Variants in DIS3L2 observed in about 807,000 individuals in gnomAD.
DIS3L2 encodes the protein DIS3-like exonuclease 2.
DIS3L2 carries 34 observed loss-of-function variants against 97.5 expected under a neutral mutation model. The ratio of observed to expected loss-of-function variants is 0.35; its 90% CI spans 0.27 to 0.46. DIS3L2 has a LOEUF of 0.46. DIS3L2 is among the 20% of genes least tolerant of loss of function. DIS3L2 has a pLI of 1.00. For synonymous variants in DIS3L2, 435 were observed against 445.2 expected (o/e 0.98, Z 0.29); for missense variants, 1,038 against 1,146.0 (o/e 0.91, Z 1.36).
At chr2:232,073,682 T>C (rs1696101651) in intron 5 of DIS3L2, among the ~76,000 whole-genome samples, 1 of 152,240 alleles carries the variant, frequency 6.6e-6, no homozygotes, top group African/African-American at 2.4e-5. Flanking sequence ...ATGGAAAGGT[T>C]ACCTGGCACT....
chr2:232,310,372 G>A (rs868419577), intron 14 of DIS3L2, among the ~76,000 whole-genome samples: 1 of 152,330 alleles, frequency 6.6e-6, no homozygotes, highest in African/African-American at 2.4e-5. Flanking sequence ...TGAGCTCACT[G>A]TTCCACCACA....
At chr2:232,104,305 CTT>C (rs1397202080) in intron 6 of DIS3L2, among the ~76,000 whole-genome samples, 1 of 152,154 alleles carries the variant, frequency 6.6e-6, no homozygotes, top group East Asian at 1.9e-4. Context: ...TACCTGTTCT[CTT>C]TTCCTGCCAC....
At chr2:232,238,735 T>G (rs963577347) in intron 11 of DIS3L2, 90 bp downstream of exon 11, 1 of 1,211,852 alleles carries the variant, frequency 8.3e-7, no homozygotes, top group South Asian at 1.5e-5. Flanking sequence ...TTACATGTTC[T>G]CCGGAAAGAG....
intron 4 of DIS3L2, among the ~76,000 whole-genome samples, chr2:232,025,452 T>C (rs1574820716): frequency 6.6e-6 from 1 of 152,168 alleles, no homozygotes; most frequent in East Asian, 1.9e-4. Flanking sequence ...CCTTCTGAAA[T>C]CCAGGGACTC....
chr2:232,196,202 A>C (rs1453245928), intron 9 of DIS3L2, among the ~76,000 whole-genome samples: 2 of 152,184 alleles, frequency 1.3e-5, no homozygotes, highest in African/African-American at 4.8e-5. Context: ...TCCTGGGCTC[A>C]AGTGATCCTC....
chr2:232,280,255 C>G (rs913583174), intron 13 of DIS3L2, among the ~76,000 whole-genome samples: 2 of 152,166 alleles, frequency 1.3e-5, no homozygotes, highest in African/African-American at 4.8e-5. Context: ...CTCTGTGAGC[C>G]ATCTGAAAAG....
At chr2:232,245,783 A>C (rs1481021573) in intron 11 of DIS3L2, among the ~76,000 whole-genome samples, 2 of 152,252 alleles carry the variant, frequency 1.3e-5, no homozygotes, top group Non-Finnish European at 2.9e-5. Context: ...CACAGTTTTT[A>C]TAGCCTGCAC....
chr2:232,218,865 G>A (rs1692420515), intron 10 of DIS3L2, among the ~76,000 whole-genome samples: 1 of 152,174 alleles, frequency 6.6e-6, no homozygotes, highest in Non-Finnish European at 1.5e-5. Flanking sequence ...GTACCTATGG[G>A]TTAGGTCTGC....
At chr2:232,052,195 T>G (rs1384089666) in intron 5 of DIS3L2, among the ~76,000 whole-genome samples, 1 of 152,112 alleles carries the variant, frequency 6.6e-6, no homozygotes, top group African/African-American at 2.4e-5. Flanking sequence ...GCTAATTTTT[T>G]GTATTTTTAG....
At chr2:232,254,276 A>AT (rs1474242508) in intron 12 of DIS3L2, among the ~76,000 whole-genome samples, 2 of 151,936 alleles carry the variant, frequency 1.3e-5, no homozygotes, top group Admixed American at 6.6e-5. Context: ...CCTTTTAAAG[A>AT]TTTTTTTAAG....
At chr2:232,079,631 G>GT (rs1696327505) in intron 5 of DIS3L2, among the ~76,000 whole-genome samples, 7 of 116,306 alleles carry the variant, frequency 6.0e-5, no homozygotes, top group African/African-American at 2.4e-4. Flanking sequence ...AAAAAGTAAA[G>GT]AAAAGAAAGT....
intron 6 of DIS3L2, among the ~76,000 whole-genome samples, chr2:232,121,667 G>A (rs564985320): frequency 7.2e-5 from 11 of 152,156 alleles, no homozygotes; most frequent in Non-Finnish European, 1.6e-4. Flanking sequence ...TGGAAGGCTC[G>A]TGAAGCTACA....
At position 232,136,515 on chromosome 2, in the gene DIS3L2, G is replaced by T. The variant is rs755391038; in HGVS notation, c.746G>T (p.Gly249Val). 1 of 1,614,022 alleles carries T rather than the reference G, an allele frequency of 6.2e-7. No homozygotes were observed. The highest frequency in any genetic ancestry group is 8.5e-7 in the Non-Finnish European group (1 of 1,179,946). ...AAAAAACATTCTCGAGCAGCAACCG[G>T]CTTCCTCAAACTCTTGGCTGATAAG... ...LEKKHSRAAT[G>V]FLKLLADKNS... Residue 249 changes from glycine to valine, a missense_variant, in exon 8 of 21, where the codon GGC becomes GTC. Gly to Val is a moderately radical substitution (Grantham distance 109). Transcript: ENST00000325385.
intron 12 of DIS3L2, 120 bp from the exon 13 acceptor site, chr2:232,263,087 G>C (rs1325260830): frequency 9.4e-7 from 1 of 1,061,336 alleles, no homozygotes; most frequent in Non-Finnish European, 1.4e-6. Flanking sequence ...CCACCATTCC[G>C]AGCACACAGT....
At chr2:232,337,518 G>A (rs142553299), downstream of DIS3L2, among the ~76,000 whole-genome samples, 5 of 152,076 alleles carry the variant, frequency 3.3e-5, 1 homozygote, top group South Asian at 4.2e-4. Flanking sequence ...TGGGTGACAC[G>A]GATCCCACCT....
intron 13 of DIS3L2, among the ~76,000 whole-genome samples, chr2:232,278,475 C>T (rs1055110049): frequency 3.3e-5 from 5 of 152,194 alleles, no homozygotes; most frequent in African/African-American, 1.2e-4. Context: ...AGTTCCTCTT[C>T]CCTAGCCTCA....
At chr2:232,330,341 T>C (rs1222637017) in intron 15 of DIS3L2, among the ~76,000 whole-genome samples, 6 of 152,186 alleles carry the variant, frequency 3.9e-5, no homozygotes, top group African/African-American at 1.2e-4. Context: ...GTGGGTACTT[T>C]CAGGTGCTCC....
At chr2:232,294,427 C>G (rs1159995047) in intron 13 of DIS3L2, among the ~76,000 whole-genome samples, 1 of 152,184 alleles carries the variant, frequency 6.6e-6, no homozygotes, top group Non-Finnish European at 1.5e-5. Flanking sequence ...ATCTTTTGAA[C>G]CTTGTACATG....
chr2:232,326,317 C>G (rs1364007560), intron 14 of DIS3L2, among the ~76,000 whole-genome samples: 1 of 150,538 alleles, frequency 6.6e-6, no homozygotes, highest in Non-Finnish European at 1.5e-5. Context: ...CCGTCCAGCT[C>G]AGTTCTCTGA....
Sources: gnomAD v4.1 joint callset for allele counts (sites outside exome capture counted in the v4.1 genomes callset) on GRCh38, gnomAD v4.1.1 for gene constraint, MANE v1.5 for transcripts, NCBI Gene and HGNC (gene_info 2026-07-23, HGNC 2026-07-21) for gene names.